Variants in RASGRP3 observed in about 807,000 individuals in gnomAD.
RASGRP3 encodes the protein RAS guanyl releasing protein 3.
RASGRP3 carries 54 observed loss-of-function variants against 82.7 expected under a neutral mutation model. The observed-to-expected ratio is 0.65, with a 90% confidence interval of 0.52 to 0.82. The LOEUF is 0.82. Among genes scored for constraint, RASGRP3 ranks in the 40% least tolerant of loss-of-function variants. The probability of loss-of-function intolerance (pLI) is 0.00; values close to 1 mark genes in which losing one functional copy is unlikely to be tolerated. For synonymous variants in RASGRP3, 309 were observed against 300.5 expected (o/e 1.03, Z -0.29); for missense variants, 861 against 828.9 (o/e 1.04, Z -0.48).
At chr2:33,484,951 C>A (rs1456678558) in intron 1 of RASGRP3, among the ~76,000 whole-genome samples, 1 of 152,148 alleles carries the variant, frequency 6.6e-6, no homozygotes, top group Non-Finnish European at 1.5e-5. Flanking sequence ...GTAATCCCAG[C>A]ACTTTGGGAG....
At chr2:33,544,770 G>A (rs746796609) in intron 13 of RASGRP3, among the ~76,000 whole-genome samples, 4 of 151,972 alleles carry the variant, frequency 2.6e-5, no homozygotes, top group Non-Finnish European at 4.4e-5. Flanking sequence ...TGAGATAGTA[G>A]GATTATTTGA....
intron 2 of RASGRP3, among the ~76,000 whole-genome samples, chr2:33,467,800 C>A (rs1204872898): frequency 2.0e-5 from 3 of 152,158 alleles, no homozygotes; most frequent in Non-Finnish European, 4.4e-5. Flanking sequence ...CAGATAGGCA[C>A]AAAGGCCCAT....
intron 7 of RASGRP3, among the ~76,000 whole-genome samples, chr2:33,522,615 C>G (rs552278266): frequency 6.6e-6 from 1 of 152,294 alleles, no homozygotes; most frequent in African/African-American, 2.4e-5. Context: ...GATGGAGCCT[C>G]ATTCCTTCTC....
At chr2:33,454,392 T>C (rs1413290351) in intron 2 of RASGRP3, among the ~76,000 whole-genome samples, 3 of 152,200 alleles carry the variant, frequency 2.0e-5, no homozygotes, top group Non-Finnish European at 4.4e-5. Context: ...GTTTTAAATA[T>C]AGAGCATAAG....
intron 2 of RASGRP3, among the ~76,000 whole-genome samples, chr2:33,457,766 C>G (rs1666118633): frequency 6.6e-6 from 1 of 152,068 alleles, no homozygotes; most frequent in South Asian, 2.1e-4. Context: ...AACGAGAATC[C>G]TGGTTTCCTG....
chr2:33,484,863 T>G (rs1478008714), intron 1 of RASGRP3, among the ~76,000 whole-genome samples: 1 of 152,088 alleles, frequency 6.6e-6, no homozygotes, highest in African/African-American at 2.4e-5. Context: ...GTAGGTGCCT[T>G]TTTCATCCAA....
chr2:33,464,668 G>T (rs75301266), intron 2 of RASGRP3, among the ~76,000 whole-genome samples: 4,265 of 152,054 alleles, frequency 0.028, 224 homozygotes, highest in African/African-American at 0.099. Flanking sequence ...GAAGAGATGG[G>T]GTTTCACTAT....
chr2:33,450,777 TG>T (rs1221930518), intron 2 of RASGRP3, among the ~76,000 whole-genome samples: 1 of 150,026 alleles, frequency 6.7e-6, no homozygotes, highest in African/African-American at 2.4e-5. Flanking sequence ...CTATTTTAAA[TG>T]TTTTTTTCTT....
At chr2:33,451,804 G>A (rs368795984) in intron 2 of RASGRP3, among the ~76,000 whole-genome samples, 23 of 151,924 alleles carry the variant, frequency 1.5e-4, no homozygotes, top group African/African-American at 5.6e-4. Context: ...CTTTACCTAA[G>A]CATTCTGCTC....
Position 33,563,099 on chromosome 2 carries a change from G to T in RASGRP3, c.*362G>T. The T allele has an allele frequency of 3.9e-6, 1 of 253,706 alleles. No individual in the cohort carries two copies. The allele number at this position is 253,706 out of a possible 1,614,324, so 15.7% of individuals were successfully genotyped here. On this transcript the variant is annotated 3_prime_UTR_variant, in exon 18 of 18. Coordinates refer to ENST00000403687, the MANE Select transcript of RASGRP3 (RefSeq NM_001139488.2). Reference sequence around the variant, plus strand: ...TGTAAACTCAGACTTCGCTTTTTTTGTGAGACTATCCTTTCAATATTTTTA... The same window carrying T: ...TGTAAACTCAGACTTCGCTTTTTTTTTGAGACTATCCTTTCAATATTTTTA...
chr2:33,490,453 A>G (rs778632230), intron 1 of RASGRP3, among the ~76,000 whole-genome samples: 16 of 152,256 alleles, frequency 1.1e-4, no homozygotes, highest in Non-Finnish European at 2.1e-4. Flanking sequence ...CTAAAAAAGC[A>G]GATCATTTCT....
chr2:33,479,275 T>A (rs899742538), intron 1 of RASGRP3, among the ~76,000 whole-genome samples: 28 of 152,170 alleles, frequency 1.8e-4, no homozygotes, highest in African/African-American at 6.3e-4. Context: ...TCTTTGAAAA[T>A]AGTTCAGTGA....
intron 2 of RASGRP3, among the ~76,000 whole-genome samples, chr2:33,456,507 A>G (rs190135377): frequency 1.7e-4 from 26 of 152,346 alleles, no homozygotes; most frequent in Non-Finnish European, 3.2e-4. Context: ...ATATTAATAT[A>G]TTCAGTCTTC....
At chr2:33,545,869 A>G (rs1041832432) in intron 13 of RASGRP3, among the ~76,000 whole-genome samples, 3 of 152,148 alleles carry the variant, frequency 2.0e-5, no homozygotes, top group African/African-American at 7.2e-5. Context: ...CACTGGCACA[A>G]TCTCGGCTTA....
chr2:33,495,915 G>A (rs1446092605), intron 1 of RASGRP3, among the ~76,000 whole-genome samples: 3 of 152,154 alleles, frequency 2.0e-5, no homozygotes, highest in African/African-American at 7.2e-5. Flanking sequence ...TTGCTGCTCA[G>A]CTCCATCCAA....
intron 4 of RASGRP3, among the ~76,000 whole-genome samples, chr2:33,518,501 A>G (rs1477470590): frequency 6.6e-6 from 1 of 152,166 alleles, no homozygotes; most frequent in Non-Finnish European, 1.5e-5. Flanking sequence ...TATAGACACT[A>G]TACACTTAGG....
chr2:33,442,187 A>G (rs1215498118), intron 1 of RASGRP3, among the ~76,000 whole-genome samples: 1 of 152,206 alleles, frequency 6.6e-6, no homozygotes, highest in African/African-American at 2.4e-5. Flanking sequence ...AATATGGTGA[A>G]ACTCCATCTC....
At chr2:33,476,413 T>A (rs1233215335), upstream of RASGRP3, 3 of 152,388 alleles carry the variant, frequency 2.0e-5, no homozygotes, top group East Asian at 5.8e-4. Context: ...ACTTATCAGC[T>A]GTTTGGCTTT....
At chr2:33,519,554 C>A (rs1428644389) in intron 4 of RASGRP3, among the ~76,000 whole-genome samples, 1 of 152,174 alleles carries the variant, frequency 6.6e-6, no homozygotes. Context: ...TTGCAGTGAA[C>A]CGAGATCGTG....
Sources: allele counts gnomAD v4.1 joint callset (sites outside exome capture counted in the v4.1 genomes callset), GRCh38; gene constraint gnomAD v4.1.1; transcripts MANE v1.5; gene names NCBI Gene and HGNC (gene_info 2026-07-23, HGNC 2026-07-21).